Variants in MAPK10 observed in about 807,000 individuals in gnomAD.
MAPK10 encodes the protein mitogen-activated protein kinase 10.
MAPK10 carries 25 observed loss-of-function variants against 59.3 expected under a neutral mutation model. That is an observed-to-expected ratio of 0.42 (90% CI 0.31 to 0.59). The LOEUF (loss-of-function observed/expected upper bound fraction) is 0.59. Among genes scored for constraint, MAPK10 ranks in the 20% least tolerant of loss-of-function variants. The probability of loss-of-function intolerance (pLI) is 0.15; values close to 1 mark genes in which losing one functional copy is unlikely to be tolerated. For missense variants in MAPK10, 351 were observed against 568.9 expected, an observed-to-expected ratio of 0.62 and a Z score of 3.90; for synonymous variants, 190 against 200.5, an observed-to-expected ratio of 0.95 and a Z score of 0.44.
Position 86,349,194 on chromosome 4 carries a change from A to AAATAG in MAPK10, c.-7+5335_-7+5336insCTATT, listed in dbSNP as rs1729851201. ...AGATTGGCAAACAACATAGGCTATT[A>AAATAG]CCTAACCTATTTAAATAAGATTATG... On this transcript the variant is annotated intron_variant, in intron 2 of 13. Transcript: ENST00000641462. Among the ~76,000 whole-genome samples, 11 of 152,318 alleles carry AAATAG rather than the reference A, an allele frequency of 7.2e-5. No homozygotes were observed. The East Asian group carries it at 2.1e-3, about 29-fold the overall frequency.
intron 3 of MAPK10, among the ~76,000 whole-genome samples, chr4:86,182,809 C>T (rs927424133): frequency 2.0e-5 from 3 of 152,012 alleles, no homozygotes; most frequent in Non-Finnish European, 4.4e-5. Flanking sequence ...TATGCTATTT[C>T]TAGATTTTTT....
At chr4:86,287,349 G>T (rs1364606753) in intron 2 of MAPK10, among the ~76,000 whole-genome samples, 1 of 152,082 alleles carries the variant, frequency 6.6e-6, no homozygotes, top group Non-Finnish European at 1.5e-5. Flanking sequence ...TTCTATCAAA[G>T]AATCTACTCA....
At chr4:86,417,194 A>G (rs965612335) in intron 1 of MAPK10, among the ~76,000 whole-genome samples, 13 of 152,248 alleles carry the variant, frequency 8.5e-5, no homozygotes, top group Admixed American at 5.2e-4. Context: ...TGCTATTTGC[A>G]TAATTTTTTA....
intron 1 of MAPK10, among the ~76,000 whole-genome samples, chr4:86,537,786 T>C (rs1758361157): frequency 6.6e-6 from 1 of 152,238 alleles, no homozygotes; most frequent in African/African-American, 2.4e-5. Flanking sequence ...ATCTGGGCAC[T>C]ATTTTATAAT....
chr4:86,379,177 A>G (rs1449540655), intron 1 of MAPK10, among the ~76,000 whole-genome samples: 1 of 152,208 alleles, frequency 6.6e-6, no homozygotes, highest in Non-Finnish European at 1.5e-5. Flanking sequence ...CTGCAGCCCA[A>G]CGAATCCTCC....
intron 1 of MAPK10, among the ~76,000 whole-genome samples, chr4:86,415,455 G>C (rs1169098937): frequency 6.6e-6 from 1 of 152,110 alleles, no homozygotes; most frequent in Non-Finnish European, 1.5e-5. Context: ...TGATAACTTA[G>C]GAAAAACGGG....
intron 2 of MAPK10, among the ~76,000 whole-genome samples, chr4:86,237,616 G>A (rs183081798): frequency 1.3e-5 from 2 of 152,196 alleles, no homozygotes; most frequent in East Asian, 3.9e-4. Context: ...GTGATGTTAA[G>A]CTTTTTTTCA....
At chr4:86,510,862 T>C (rs74468371) in intron 1 of MAPK10, among the ~76,000 whole-genome samples, 7,349 of 152,014 alleles carry the variant, frequency 0.048, 233 homozygotes, top group African/African-American at 0.062. Context: ...GAGAGTAAAA[T>C]GGTTACCAGA....
intron 2 of MAPK10, among the ~76,000 whole-genome samples, chr4:86,221,406 G>C (rs1028074718): frequency 6.6e-6 from 1 of 152,070 alleles, no homozygotes; most frequent in Admixed American, 6.6e-5. Context: ...CATATTTATA[G>C]ACAATAAAGG....
In MAPK10 at chr4:86,322,558, G is replaced by T. The variant is rs556746685; in HGVS notation, c.-7+31972C>A. The stretch of plus-strand genomic sequence containing the variant: ...AAAAGAGAAGAAGCGACAGTACCTT[G>T]GAGGCACTCCTGTGGCCAAATTCAA... On this transcript the variant is annotated intron_variant, in intron 2 of 13. Transcript: ENST00000641462. Among the ~76,000 whole-genome samples, 5 of 152,306 alleles carry T rather than the reference G, an allele frequency of 3.3e-5. No homozygotes were observed. In the South Asian group the frequency reaches 1.0e-3, roughly 32 times the overall value.
chr4:86,435,171 T>C (rs1235010034), intron 1 of MAPK10, among the ~76,000 whole-genome samples: 1 of 151,968 alleles, frequency 6.6e-6, no homozygotes, highest in Admixed American at 6.6e-5. Context: ...AATATAAAGG[T>C]AGTTATAACT....
intron 1 of MAPK10, among the ~76,000 whole-genome samples, chr4:86,498,887 A>G (rs889043538): frequency 1.3e-5 from 2 of 152,208 alleles, no homozygotes; most frequent in African/African-American, 4.8e-5. Flanking sequence ...CAAAGAAAGT[A>G]AAATAACAAA....
intron 2 of MAPK10, among the ~76,000 whole-genome samples, chr4:86,291,114 G>A (rs189250424): frequency 2.1e-4 from 32 of 152,260 alleles, no homozygotes; most frequent in Non-Finnish European, 3.2e-4. Context: ...ACCAGACAGC[G>A]GGAGAACTGG....
chr4:86,207,490 C>T (rs1378827124), intron 2 of MAPK10, among the ~76,000 whole-genome samples: 9 of 151,952 alleles, frequency 5.9e-5, no homozygotes, highest in African/African-American at 2.2e-4. Flanking sequence ...TGATGCCTCC[C>T]GTTTTGTTCT....
At chr4:86,432,245 A>G (rs1188062435) in intron 1 of MAPK10, among the ~76,000 whole-genome samples, 1 of 152,072 alleles carries the variant, frequency 6.6e-6, no homozygotes, top group Non-Finnish European at 1.5e-5. Context: ...AGTTGGGGGC[A>G]TAAGAATTGT....
chr4:86,417,052 A>G (rs1431328771), intron 1 of MAPK10, among the ~76,000 whole-genome samples: 1 of 152,258 alleles, frequency 6.6e-6, no homozygotes, highest in Non-Finnish European at 1.5e-5. Flanking sequence ...ATGTACACAT[A>G]TAAATAAGTA....
At chr4:86,531,529 T>C (rs1006565612) in intron 1 of MAPK10, among the ~76,000 whole-genome samples, 1 of 152,186 alleles carries the variant, frequency 6.6e-6, no homozygotes, top group Non-Finnish European at 1.5e-5. Flanking sequence ...CACTGGTTTC[T>C]GAAGGGTGAA....
At chr4:86,377,197 T>G (rs913134540) in intron 1 of MAPK10, among the ~76,000 whole-genome samples, 1 of 152,184 alleles carries the variant, frequency 6.6e-6, no homozygotes, top group Non-Finnish European at 1.5e-5. Flanking sequence ...ACACTAGCAC[T>G]CTGATGTAAA....
chr4:86,290,545 A>C (rs1346710767), intron 2 of MAPK10, among the ~76,000 whole-genome samples: 5 of 152,202 alleles, frequency 3.3e-5, no homozygotes, highest in Admixed American at 2.0e-4. Flanking sequence ...TTATGTAATA[A>C]ACTAGGTGTT....
Sources: allele counts gnomAD v4.1 joint callset (sites outside exome capture counted in the v4.1 genomes callset), GRCh38; gene constraint gnomAD v4.1.1; transcripts MANE v1.5; gene names NCBI Gene and HGNC (gene_info 2026-07-23, HGNC 2026-07-21).